TNFRSF21: variants seen among roughly 807,000 people sequenced by gnomAD.
The protein encoded by TNFRSF21 is tumor necrosis factor receptor superfamily member 21.
TNFRSF21 carries 19 observed loss-of-function variants against 45.6 expected under a neutral mutation model. The ratio of observed to expected loss-of-function variants is 0.42; its 90% CI spans 0.29 to 0.61. TNFRSF21 has a LOEUF of 0.61. Ranked by LOEUF, TNFRSF21 falls within the 20% of genes least tolerant of loss-of-function variation. TNFRSF21 has a pLI of 0.23. For missense variants in TNFRSF21, 737 were observed against 851.5 expected (o/e 0.87, Z 1.67); for synonymous variants, 314 against 335.5 (o/e 0.94, Z 0.70).
intron 1 of TNFRSF21, among the ~76,000 whole-genome samples, chr6:47,305,005 G>A (rs1220766603): frequency 2.6e-5 from 4 of 152,098 alleles, no homozygotes; most frequent in African/African-American, 7.2e-5. Context: ...TGAGGCTAAC[G>A]TATGTCATTC....
At position 47,302,919 on chromosome 6, in the gene TNFRSF21, T is replaced by C. The variant is rs141013565; in HGVS notation, c.96+6497A>G. 3.9e-5 allele frequency among the ~76,000 whole-genome samples: 6 copies of C among 152,350 alleles called. No individual in the cohort carries two copies. In the East Asian group the frequency reaches 1.2e-3, roughly 29 times the overall value. The stretch of plus-strand genomic sequence containing the variant: ...CTTATCTGTAAAATGGGGCTAATGC[T>C]ACTACCTCAAAGACTTGTCACATGT... On this transcript the variant is annotated intron_variant, in intron 1 of 5. Coordinates refer to ENST00000296861, the MANE Select transcript of TNFRSF21 (RefSeq NM_014452.5).
At chr6:47,276,324 T>C (rs1762497959) in intron 3 of TNFRSF21, among the ~76,000 whole-genome samples, 1 of 152,246 alleles carries the variant, frequency 6.6e-6, no homozygotes, top group Non-Finnish European at 1.5e-5. Context: ...CAAGGACAGC[T>C]GCCACCTTTT....
At chr6:47,301,036 A>G (rs1762859077) in intron 1 of TNFRSF21, among the ~76,000 whole-genome samples, 1 of 152,232 alleles carries the variant, frequency 6.6e-6, no homozygotes, top group Non-Finnish European at 1.5e-5. Flanking sequence ...AATTGAAATG[A>G]CACATAAAGA....
intron 3 of TNFRSF21, among the ~76,000 whole-genome samples, chr6:47,268,573 T>C (rs1441759721): frequency 6.6e-6 from 1 of 152,178 alleles, no homozygotes; most frequent in African/African-American, 2.4e-5. Flanking sequence ...TTTTAAGATT[T>C]CTTTAAGTTG....
intron 1 of TNFRSF21, among the ~76,000 whole-genome samples, chr6:47,306,983 T>C (rs1020058086): frequency 1.3e-5 from 2 of 152,208 alleles, no homozygotes; most frequent in Admixed American, 6.5e-5. Context: ...ATGGGATAAA[T>C]ACTTCTTGGA....
At chr6:47,297,510 C>CTTTTTT (rs55690288) in intron 1 of TNFRSF21, among the ~76,000 whole-genome samples, 4 of 117,476 alleles carry the variant, frequency 3.4e-5, no homozygotes, top group Non-Finnish European at 5.2e-5. Flanking sequence ...TCTCTTTTTA[C>CTTTTTT]TTTTTTTTTT....
At chr6:47,279,402 T>G (rs898538203) in intron 3 of TNFRSF21, among the ~76,000 whole-genome samples, 1 of 152,342 alleles carries the variant, frequency 6.6e-6, no homozygotes, top group Middle Eastern at 3.4e-3. Flanking sequence ...TACAGTTTTG[T>G]AGCCTCCATA....
intron 1 of TNFRSF21, among the ~76,000 whole-genome samples, chr6:47,291,225 A>C (rs1762724072): frequency 6.6e-6 from 1 of 152,240 alleles, no homozygotes. Flanking sequence ...AAGATGCAAC[A>C]GAGTGGCCAC....
In TNFRSF21 at chr6:47,258,103, G is replaced by A. The variant is rs182024150; in HGVS notation, c.1244-4582C>T. On this transcript the variant is annotated intron_variant, in intron 3 of 5. Transcript: ENST00000296861. ...GTGCAAAAGTAATCATGGGCTGGAC[G>A]GGTGGCTTATGCCTGTAATTCTTTG... is the stretch of plus-strand genomic sequence containing the variant. 8.8e-4 allele frequency among the ~76,000 whole-genome samples: 134 copies of A among 152,266 alleles called. 2 individuals are homozygous for A. The highest frequency in any genetic ancestry group is 6.8e-3 in the South Asian group (33 of 4,824).
Position 47,280,138 on chromosome 6 carries a change from G to A in TNFRSF21, c.1243+3800C>T, listed in dbSNP as rs149365660. 3.1e-3 allele frequency among the ~76,000 whole-genome samples: 471 copies of A among 152,318 alleles called. 4 individuals are homozygous for A. The highest frequency in any genetic ancestry group is 5.5e-3 in the Non-Finnish European group (375 of 68,022). The stretch of plus-strand genomic sequence containing the variant: ...GGCCTAGCTTCAAAGTTTGGAGGAT[G>A]TATATGGCATCCAGGAGCATGGCTT... On this transcript the variant is annotated intron_variant, in intron 3 of 5. Transcript: ENST00000296861.
chr6:47,253,995 G>A (rs781211641), intron 3 of TNFRSF21, among the ~76,000 whole-genome samples: 2 of 152,176 alleles, frequency 1.3e-5, no homozygotes, highest in South Asian at 2.1e-4. Flanking sequence ...TCTTCTTGTA[G>A]ATCTTAGCAA....
At chr6:47,257,674 C>T (rs755645413) in intron 3 of TNFRSF21, among the ~76,000 whole-genome samples, 2 of 152,194 alleles carry the variant, frequency 1.3e-5, no homozygotes, top group Non-Finnish European at 2.9e-5. Context: ...CAAAGGTATT[C>T]ATAAAGTTCT....
chr6:47,253,149 C>A (rs1162033595), intron 4 of TNFRSF21, 107 bp downstream of exon 4: 2 of 1,235,620 alleles, frequency 1.6e-6, no homozygotes, highest in African/African-American at 1.5e-5. Flanking sequence ...TGTGTGTGTG[C>A]CTATCCACCG....
At chr6:47,234,640 CGT>C in intron 5 of TNFRSF21, 28 bp downstream of exon 5, 3 of 1,553,672 alleles carry the variant, frequency 1.9e-6, no homozygotes, top group Non-Finnish European at 1.8e-6. Context: ...GGTTTAAGTG[CGT>C]GTGTGAGGTC....
chr6:47,308,381 G>T (rs949929609), intron 1 of TNFRSF21, among the ~76,000 whole-genome samples: 9 of 152,174 alleles, frequency 5.9e-5, no homozygotes, highest in Non-Finnish European at 8.8e-5. Flanking sequence ...TTTCTTGGGG[G>T]TTTTTTTGTT....
rs567725714 is a variant in TNFRSF21 at position 47,232,148 on chromosome 6, T to C, written c.*617A>G. The C allele has an allele frequency of 6.6e-6, 1 of 152,642 alleles. No individual in the cohort carries two copies. The highest frequency in any genetic ancestry group is 1.5e-5 in the Non-Finnish European group (1 of 68,302). 9.5% of individuals were successfully genotyped at this position (152,642 alleles called of 1,614,324 possible). On this transcript the variant is annotated 3_prime_UTR_variant, in exon 6 of 6. Coordinates refer to ENST00000296861, the MANE Select transcript of TNFRSF21 (RefSeq NM_014452.5). ...AAGTTTCAGCCATGAATATGAACTA[T>C]ACAAGACATATTTAAAAGATAACTC...
intron 3 of TNFRSF21, among the ~76,000 whole-genome samples, chr6:47,279,368 C>G (rs1045852808): frequency 3.3e-5 from 5 of 152,082 alleles, no homozygotes; most frequent in African/African-American, 9.7e-5. Flanking sequence ...TCTCAGCTAC[C>G]CTGTTTTTCA....
chr6:47,265,308 G>A (rs1457840237), intron 3 of TNFRSF21, among the ~76,000 whole-genome samples: 1 of 152,166 alleles, frequency 6.6e-6, no homozygotes, highest in Non-Finnish European at 1.5e-5. Context: ...TTTTGTAGGC[G>A]TTTTATTCCA....
chr6:47,253,216 A>G, intron 4 of TNFRSF21, 40 bp downstream of exon 4: 1 of 1,597,826 alleles, frequency 6.3e-7, no homozygotes, highest in Admixed American at 1.7e-5. Context: ...CATAGGGGCA[A>G]TAGGTCGGTG....
Sources: gnomAD v4.1 joint callset for allele counts (sites outside exome capture counted in the v4.1 genomes callset) on GRCh38, gnomAD v4.1.1 for gene constraint, MANE v1.5 for transcripts, NCBI Gene and HGNC (gene_info 2026-07-23, HGNC 2026-07-21) for gene names.